The following SNX24 variants were observed in gnomAD, a reference collection of about 807,000 sequenced individuals.
SNX24 encodes the protein sorting nexin 24.
SNX24 carries 22 observed loss-of-function variants against 28.7 expected under a neutral mutation model. The observed-to-expected ratio is 0.77, with a 90% CI of 0.55 to 1.10. SNX24 has a LOEUF of 1.10. Ranked by LOEUF, SNX24 falls within the 50% of genes least tolerant of loss-of-function variation. The pLI is 0.00. For missense variants in SNX24, 221 were observed against 201.1 expected (o/e 1.10, Z -0.60); for synonymous variants, 69 against 71.5 (o/e 0.96, Z 0.18).
intron 1 of SNX24, among the ~76,000 whole-genome samples, chr5:122,860,219 T>A (rs1283380177): frequency 6.6e-6 from 1 of 152,196 alleles, no homozygotes; most frequent in East Asian, 1.9e-4. Flanking sequence ...CTCCTAATGT[T>A]ATGCCAGAGT....
At chr5:122,940,491 T>G (rs1469446837) in intron 2 of SNX24, among the ~76,000 whole-genome samples, 3 of 152,174 alleles carry the variant, frequency 2.0e-5, no homozygotes, top group African/African-American at 7.2e-5. Context: ...ATATTGACCC[T>G]CAAGGCTAAT....
intron 3 of SNX24, among the ~76,000 whole-genome samples, chr5:122,983,309 T>C (rs1761466825): frequency 6.6e-6 from 1 of 152,180 alleles, no homozygotes; most frequent in Non-Finnish European, 1.5e-5. Flanking sequence ...TATTCTTATT[T>C]ACTTTTGCAT....
chr5:122,863,365 G>A (rs1755568037), intron 1 of SNX24, among the ~76,000 whole-genome samples: 1 of 152,016 alleles, frequency 6.6e-6, no homozygotes. Context: ...TTTAGGAATA[G>A]AAAGGATCCA....
chr5:122,920,583 AGTT>A (rs1758389247), intron 1 of SNX24, among the ~76,000 whole-genome samples: 2 of 152,202 alleles, frequency 1.3e-5, no homozygotes, highest in African/African-American at 4.8e-5. Context: ...AGCAATACAC[AGTT>A]GTTATACGCA....
At chr5:122,881,010 G>C (rs62377385) in intron 1 of SNX24, among the ~76,000 whole-genome samples, 1 of 152,142 alleles carries the variant, frequency 6.6e-6, no homozygotes, top group Non-Finnish European at 1.5e-5. Context: ...CTTGGCCTGC[G>C]ATTTGTCATG....
intron 3 of SNX24, among the ~76,000 whole-genome samples, chr5:122,965,701 A>T (rs535055723): frequency 6.6e-5 from 10 of 152,330 alleles, no homozygotes; most frequent in African/African-American, 2.2e-4. Context: ...TAGTGTTGTC[A>T]TTTGTTTTGT....
At chr5:122,897,637 G>A (rs971116981) in intron 1 of SNX24, among the ~76,000 whole-genome samples, 8 of 152,130 alleles carry the variant, frequency 5.3e-5, no homozygotes, top group Admixed American at 1.3e-4. Flanking sequence ...AAAAATTAAC[G>A]TGCAATGAAT....
chr5:122,856,485 A>G (rs1235953956), intron 1 of SNX24, among the ~76,000 whole-genome samples: 1 of 150,708 alleles, frequency 6.6e-6, no homozygotes, highest in Non-Finnish European at 1.5e-5. Flanking sequence ...AGGGTATATA[A>G]CCAATAATTG....
At chr5:122,993,297 C>CTTTTTTTTTTTTTTTTTTTTTGT in intron 3 of SNX24, among the ~76,000 whole-genome samples, 1 of 114,220 alleles carries the variant, frequency 8.8e-6, no homozygotes, top group Non-Finnish European at 1.8e-5. Context: ...TAGTGGCTGC[C>CTTTTTTTTTTTTTTTTTTTTTGT]TTTTTTTTTT....
At chr5:122,985,923 G>C (rs906980509) in intron 3 of SNX24, among the ~76,000 whole-genome samples, 3 of 152,220 alleles carry the variant, frequency 2.0e-5, no homozygotes, top group African/African-American at 7.2e-5. Flanking sequence ...CTTGGAGCTG[G>C]AGTCCAGTGG....
chr5:122,918,364 T>C (rs1430440008), intron 1 of SNX24, among the ~76,000 whole-genome samples: 1 of 152,198 alleles, frequency 6.6e-6, no homozygotes, highest in African/African-American at 2.4e-5. Context: ...TATTTGCCTG[T>C]AGTTTGAAGG....
At chr5:122,930,465 G>A (rs1758902675) in intron 1 of SNX24, among the ~76,000 whole-genome samples, 1 of 152,140 alleles carries the variant, frequency 6.6e-6, no homozygotes, top group Non-Finnish European at 1.5e-5. Flanking sequence ...AAAGTTTAGG[G>A]TCATCCTGAT....
chr5:123,005,311 G>A (rs1375132342), intron 6 of SNX24, among the ~76,000 whole-genome samples: 1 of 152,110 alleles, frequency 6.6e-6, no homozygotes, highest in South Asian at 2.1e-4. Flanking sequence ...AGCACTTGCT[G>A]TTCCCTCTGC....
downstream of SNX24, among the ~76,000 whole-genome samples, chr5:123,010,218 C>T (rs1445652550): frequency 1.3e-5 from 2 of 152,200 alleles, no homozygotes; most frequent in Non-Finnish European, 2.9e-5. Context: ...ATTCTCCATC[C>T]CAGGTGCAGG....
Position 122,929,160 on chromosome 5 carries a change from C to T in SNX24, c.61-7574C>T, listed in dbSNP as rs553079311. 1.9e-4 allele frequency among the ~76,000 whole-genome samples: 29 copies of T among 152,216 alleles called. 2 individuals carry two copies. In the South Asian group the frequency reaches 2.7e-3, roughly 14 times the overall value. ...GTGGAGTTAGCTTTTTGCTCCCTCT[C>T]CAGCCTCCTTCAGAGGTGTCTCTTC... is the stretch of plus-strand genomic sequence containing the variant. On this transcript the variant is annotated intron_variant, in intron 1 of 6. Coordinates refer to ENST00000261369, the MANE Select transcript of SNX24 (RefSeq NM_014035.4).
chr5:122,869,077 A>T (rs27740), intron 1 of SNX24, among the ~76,000 whole-genome samples: 98,823 of 152,148 alleles, frequency 0.65, 33,024 homozygotes, highest in African/African-American at 0.81. Context: ...CCAAATTTTT[A>T]AAATGTGAAT....
At chr5:123,007,095 C>G (rs1762445076) in intron 6 of SNX24, among the ~76,000 whole-genome samples, 1 of 152,128 alleles carries the variant, frequency 6.6e-6, no homozygotes, top group African/African-American at 2.4e-5. Flanking sequence ...CCCCTGGCCT[C>G]CCTTCCTGTC....
At chr5:122,897,103 A>G (rs949734900) in intron 1 of SNX24, among the ~76,000 whole-genome samples, 3 of 152,192 alleles carry the variant, frequency 2.0e-5, no homozygotes, top group Non-Finnish European at 4.4e-5. Context: ...TTCACAGGAG[A>G]CATATAAACG....
chr5:123,008,163 A>T lies in SNX24; in HGVS notation c.*414A>T. 2 of 989,928 alleles carry T rather than the reference A, an allele frequency of 2.0e-6. No individual in the cohort carries two copies. Among genetic ancestry groups the T allele is most frequent in the Non-Finnish European group, 2.4e-6 (2 of 833,218 alleles). The allele number at this position is 989,928 out of a possible 1,614,324, so 61.3% of individuals were successfully genotyped here. A position where few individuals can be genotyped will look rare whatever the true frequency, so the allele number is the denominator to read the frequency against. On this transcript the variant is annotated 3_prime_UTR_variant, in exon 7 of 7. Transcript: ENST00000261369. ...CTTTTTTGTTCAGATCTTATGACAC[A>T]CTACTCTTCTCACCGTGAGATTTTC...
Sources: gnomAD v4.1 joint callset for allele counts (sites outside exome capture counted in the v4.1 genomes callset) on GRCh38, gnomAD v4.1.1 for gene constraint, MANE v1.5 for transcripts, NCBI Gene and HGNC (gene_info 2026-07-23, HGNC 2026-07-21) for gene names.